Variants in CYTH3 observed in about 807,000 individuals in gnomAD.
CYTH3 encodes cytohesin-3.
In CYTH3, 23 loss-of-function variants were observed where a neutral mutation model predicts 55.1. The observed-to-expected ratio is 0.42, with a 90% confidence interval of 0.30 to 0.59. The LOEUF is 0.59. Among genes scored for constraint, CYTH3 ranks in the 20% least tolerant of loss-of-function variants. CYTH3 has a pLI of 0.20. For missense variants in CYTH3, 413 were observed against 524.8 expected, an observed-to-expected ratio of 0.79 and a Z score of 2.08; for synonymous variants, 249 against 194.9, an observed-to-expected ratio of 1.28 and a Z score of -2.31.
chr7:6,228,359 G>A (rs1430212738), intron 1 of CYTH3, among the ~76,000 whole-genome samples: 1 of 152,134 alleles, frequency 6.6e-6, no homozygotes, highest in Non-Finnish European at 1.5e-5. Context: ...AACAACATAT[G>A]TAACATGCCC....
At chr7:6,210,161 T>C (rs574556956) in intron 1 of CYTH3, among the ~76,000 whole-genome samples, 1 of 152,160 alleles carries the variant, frequency 6.6e-6, no homozygotes, top group African/African-American at 2.4e-5. Context: ...TGCACCACAC[T>C]AATGTAAGAT....
In CYTH3 at chr7:6,177,927, T is replaced by G. The variant is rs1458532684; in HGVS notation, c.264A>C (p.Leu88=). The G allele has an allele frequency of 2.5e-6, 4 of 1,613,556 alleles. No homozygotes were observed. In the African/African-American group the frequency reaches 5.3e-5, roughly 22 times the overall value. The part of the protein sequence containing the change: ...NMDPKKGIQF[L]IENDLLQSSP... ...AACTCTGTAGCAGGTCATTTTCTAT[T>G]AGAAACTGAATTCCCTGAAGAACAT... The change falls in exon 5 of 13, where the codon CTA becomes CTC. Residue 88 remains leucine, a synonymous_variant. Transcript: ENST00000350796.
In CYTH3 at chr7:6,187,561, C is replaced by T; in HGVS notation, c.182+96G>A. On this transcript the variant is annotated intron_variant, in intron 3 of 12. Coordinates refer to ENST00000350796, the MANE Select transcript of CYTH3 (RefSeq NM_004227.4). ...AACAACTCCACAGGCTCCCCACATC[C>T]CAACCACTCTCACCCCACTTTCTGC... 3.6e-6 allele frequency: 4 copies of T among 1,105,520 alleles called. No homozygotes were observed. In the East Asian group the frequency reaches 7.1e-5, roughly 20 times the overall value. 68.5% of individuals were successfully genotyped at this position (1,105,520 alleles called of 1,614,324 possible).
In CYTH3 at chr7:6,170,207, AG is replaced by A. The variant is rs1256790295; in HGVS notation, c.823+327del. 1 of 296,738 alleles carries A rather than the reference AG, an allele frequency of 3.4e-6. No individual in the cohort carries two copies. The highest frequency in any genetic ancestry group is 6.3e-6 in the Non-Finnish European group (1 of 159,502). The allele number at this position is 296,738 out of a possible 1,614,324, so 18.4% of individuals were successfully genotyped here. On this transcript the variant is annotated intron_variant, in intron 9 of 12. Transcript: ENST00000350796. The surrounding 1 kb of genome is among the most constrained non-coding windows in gnomAD (Gnocchi z 7.8). ...AATCACAGCCACACCAAACCGAGAG[AG>A]GCACACAGGCTCTGTGGAGATAATG...
At chr7:6,201,631 A>T (rs189634488) in intron 1 of CYTH3, among the ~76,000 whole-genome samples, 68 of 152,314 alleles carry the variant, frequency 4.5e-4, no homozygotes, top group African/African-American at 1.4e-3. Flanking sequence ...AGTAAATCTT[A>T]AAAAAACCTG....
chr7:6,260,396 T>G (rs1167160463), intron 1 of CYTH3, among the ~76,000 whole-genome samples: 1 of 152,180 alleles, frequency 6.6e-6, no homozygotes, highest in Admixed American at 6.5e-5. Context: ...TGAGAAGTAT[T>G]TCACTGCAAA....
intron 1 of CYTH3, among the ~76,000 whole-genome samples, chr7:6,211,412 C>A (rs1032651226): frequency 6.6e-6 from 1 of 152,252 alleles, no homozygotes; most frequent in Non-Finnish European, 1.5e-5. Flanking sequence ...CTGGCTCTAC[C>A]ACTTCATTAG....
At chr7:6,256,098 C>T (rs1302480206) in intron 1 of CYTH3, among the ~76,000 whole-genome samples, 2 of 152,248 alleles carry the variant, frequency 1.3e-5, no homozygotes, top group Admixed American at 1.3e-4. Context: ...TGAAATGGCC[C>T]TGTCAATAAC....
At position 6,171,348 on chromosome 7, in the gene CYTH3, C is replaced by T; in HGVS notation, c.450-34G>A. The T allele has an allele frequency of 6.2e-7, 1 of 1,604,254 alleles. No individual in the cohort carries two copies. The highest frequency in any genetic ancestry group is 8.5e-7 in the Non-Finnish European group (1 of 1,171,518). On this transcript the variant is annotated intron_variant, in intron 6 of 12. Transcript: ENST00000350796. This position sits in a 1 kb window ranked among gnomAD's most constrained non-coding sequence, Gnocchi z 6.7. ...ACACCAAAGCCATGGGAAGCCGCATCAGAACCAACACCGCCTCACGGCCAA... is the reference window on the plus strand; with the variant it reads ...ACACCAAAGCCATGGGAAGCCGCATTAGAACCAACACCGCCTCACGGCCAA...
chr7:6,270,793 C>T (rs1327660893), intron 1 of CYTH3, among the ~76,000 whole-genome samples: 1 of 152,196 alleles, frequency 6.6e-6, no homozygotes. Context: ...AATTTTAAGA[C>T]TTTTGATACT....
chr7:6,192,513 G>A (rs1267210347), intron 1 of CYTH3, among the ~76,000 whole-genome samples: 1 of 146,520 alleles, frequency 6.8e-6, no homozygotes, highest in East Asian at 2.0e-4. Flanking sequence ...GAGCCACTGT[G>A]CCCAGCCACA....
At chr7:6,247,718 A>G (rs1411759790) in intron 1 of CYTH3, among the ~76,000 whole-genome samples, 1 of 152,102 alleles carries the variant, frequency 6.6e-6, no homozygotes, top group Non-Finnish European at 1.5e-5. Context: ...ATCACAGCTC[A>G]CTGCAGTCTT....
chr7:6,170,815 G>T lies in CYTH3; in HGVS notation c.711+15C>A, dbSNP rs1332446120. 2.5e-6 allele frequency: 4 copies of T among 1,605,988 alleles called. No individual in the cohort carries two copies. In the Admixed American group the frequency reaches 5.1e-5, roughly 20 times the overall value. Reference sequence around the variant, plus strand: ...GATCCTGCAGACGGCAGCGGCCGCGGGCCGGGGAGCTCACCCTCAGCAGCT... The same window carrying T: ...GATCCTGCAGACGGCAGCGGCCGCGTGCCGGGGAGCTCACCCTCAGCAGCT... On this transcript the variant is annotated intron_variant, in intron 8 of 12. Transcript: ENST00000350796. The surrounding 1 kb of genome is among the most constrained non-coding windows in gnomAD (Gnocchi z 7.8).
Position 6,163,181 on chromosome 7 carries a change from A to G in CYTH3, c.*1763T>C, listed in dbSNP as rs1309059403. 6.6e-6 allele frequency: 1 copy of G among 152,590 alleles called. No individual in the cohort carries two copies. Among genetic ancestry groups the G allele is most frequent in the Non-Finnish European group, 1.5e-5 (1 of 68,102 alleles). 9.5% of individuals were successfully genotyped at this position (152,590 alleles called of 1,614,324 possible). A position where few individuals can be genotyped will look rare whatever the true frequency, so the allele number is the denominator to read the frequency against. ...GCAGTCTAGTGTGACTTAAAGCTAC[A>G]TCAAGGTCAGCCGCAGGGAGGCGAA... On this transcript the variant is annotated 3_prime_UTR_variant, in exon 13 of 13. Transcript: ENST00000350796.
At chr7:6,241,269 C>T (rs1341517829) in intron 1 of CYTH3, among the ~76,000 whole-genome samples, 1 of 152,094 alleles carries the variant, frequency 6.6e-6, no homozygotes, top group Non-Finnish European at 1.5e-5. Context: ...GGAACTAATC[C>T]CCTACTATGC....
chr7:6,230,735 C>G (rs1196466749), intron 1 of CYTH3, among the ~76,000 whole-genome samples: 3 of 151,952 alleles, frequency 2.0e-5, no homozygotes, highest in Non-Finnish European at 2.9e-5. Flanking sequence ...TACATGAAAA[C>G]AAGTCTACAA....
chr7:6,251,457 A>G (rs1337684195), intron 1 of CYTH3, among the ~76,000 whole-genome samples: 1 of 152,040 alleles, frequency 6.6e-6, no homozygotes, highest in Non-Finnish European at 1.5e-5. Flanking sequence ...AACGTGTGAG[A>G]AGCATGGAGA....
intron 1 of CYTH3, among the ~76,000 whole-genome samples, chr7:6,222,517 T>A (rs1393675143): frequency 6.6e-6 from 1 of 152,140 alleles, no homozygotes; most frequent in Non-Finnish European, 1.5e-5. Context: ...GAGGCCAAGA[T>A]GGGTGGATCA....
intron 1 of CYTH3, among the ~76,000 whole-genome samples, chr7:6,217,232 A>T (rs1215121550): frequency 6.6e-6 from 1 of 152,180 alleles, no homozygotes; most frequent in African/African-American, 2.4e-5. Flanking sequence ...TCTTAAATGT[A>T]AAAGGTCTAA....
Sources: allele counts gnomAD v4.1 joint callset (sites outside exome capture counted in the v4.1 genomes callset), GRCh38; gene constraint gnomAD v4.1.1; non-coding constraint Gnocchi (gnomAD v3.1); transcripts MANE v1.5; gene names NCBI Gene and HGNC (gene_info 2026-07-23, HGNC 2026-07-21).